The following CAMK2B variants were observed in gnomAD, a reference collection of about 807,000 sequenced individuals.
CAMK2B encodes calcium/calmodulin-dependent protein kinase type II subunit beta.
A neutral mutation model predicts 93.7 loss-of-function variants in CAMK2B; 27 were observed. The ratio of observed to expected loss-of-function variants is 0.29; its 90% CI spans 0.21 to 0.40. CAMK2B has a LOEUF of 0.40. CAMK2B is among the 10% of genes least tolerant of loss of function. CAMK2B has a pLI of 1.00. For synonymous variants in CAMK2B, 374 were observed against 358.8 expected (o/e 1.04, Z -0.48); for missense variants, 568 against 895.8 (o/e 0.63, Z 4.67).
chr7:44,232,488 G>A (rs1210693588), intron 16 of CAMK2B, among the ~76,000 whole-genome samples: 1 of 152,166 alleles, frequency 6.6e-6, no homozygotes, highest in Non-Finnish European at 1.5e-5. Flanking sequence ...GAGGGCCAAG[G>A]ATGCAGCTCC....
intron 4 of CAMK2B, 62 bp from the exon 5 acceptor site, chr7:44,254,669 C>T: frequency 1.8e-6 from 2 of 1,095,874 alleles, no homozygotes; most frequent in African/African-American, 1.6e-5. Context: ...GCACTGTCAC[C>T]TCCATTACTA....
intron 15 of CAMK2B, 147 bp from the exon 16 acceptor site, chr7:44,233,013 C>A: frequency 1.4e-6 from 1 of 725,736 alleles, no homozygotes; most frequent in Non-Finnish European, 2.4e-6. Flanking sequence ...GAGTGGGGGA[C>A]AGGGATGGAG....
At chr7:44,247,249 G>T in intron 5 of CAMK2B, 57 bp from the exon 6 acceptor site, 1 of 1,433,330 alleles carries the variant, frequency 7.0e-7, no homozygotes, top group Non-Finnish European at 9.8e-7. Context: ...GCAAGAGGAG[G>T]CACTGGGGGC....
intron 1 of CAMK2B, among the ~76,000 whole-genome samples, chr7:44,288,244 C>T (rs1001474215): frequency 6.6e-6 from 1 of 152,248 alleles, no homozygotes; most frequent in African/African-American, 2.4e-5. Context: ...CACAGAGGCT[C>T]GAAGCCCGGT....
At chr7:44,234,311 C>A in intron 15 of CAMK2B, 79 bp downstream of exon 15, 2 of 1,314,360 alleles carry the variant, frequency 1.5e-6, no homozygotes, top group Non-Finnish European at 2.1e-6. Context: ...CACCTTCACC[C>A]GGCCCCCTCT....
In CAMK2B at chr7:44,310,037, A is replaced by C. The variant is rs189456962; in HGVS notation, c.65+15320T>G. Among the ~76,000 whole-genome samples, 914 of 152,332 alleles carry C rather than the reference A, an allele frequency of 6.0e-3. 12 individuals are homozygous for C. Among genetic ancestry groups the C allele is most frequent in the African/African-American group, 0.02 (820 of 41,576 alleles). On this transcript the variant is annotated intron_variant, in intron 1 of 23. Transcript: ENST00000395749. ...CACCGCCAGGGACCCCAGGCTCACC[A>C]AGCCACGCGCGGAACCGCACGGTGG... is the stretch of plus-strand genomic sequence containing the variant.
chr7:44,317,991 G>A (rs564995773), intron 1 of CAMK2B, among the ~76,000 whole-genome samples: 6 of 152,150 alleles, frequency 3.9e-5, no homozygotes, highest in Admixed American at 6.5e-5. Context: ...GGCTAAATGC[G>A]ATGGGGCCTG....
At chr7:44,302,379 G>A (rs1446232629) in intron 1 of CAMK2B, among the ~76,000 whole-genome samples, 1 of 152,126 alleles carries the variant, frequency 6.6e-6, no homozygotes, top group Non-Finnish European at 1.5e-5. Context: ...GAAGCAGCAA[G>A]AATACTTCCT....
At chr7:44,234,952 G>C (rs938528950) in intron 13 of CAMK2B, among the ~76,000 whole-genome samples, 4 of 152,218 alleles carry the variant, frequency 2.6e-5, no homozygotes, top group Non-Finnish European at 5.9e-5. Context: ...CGTGGGTGCT[G>C]GGGAGCCCCC....
intron 21 of CAMK2B, 53 bp downstream of exon 21, chr7:44,220,773 A>G: frequency 6.4e-7 from 1 of 1,551,088 alleles, no homozygotes; most frequent in Non-Finnish European, 8.8e-7. Flanking sequence ...AGGCCCCCCC[A>G]AGGGTCCCAC....
intron 2 of CAMK2B, among the ~76,000 whole-genome samples, chr7:44,276,138 G>A (rs1326238787): frequency 6.6e-6 from 1 of 151,918 alleles, no homozygotes; most frequent in East Asian, 1.9e-4. Context: ...GGCAGGGGGA[G>A]GGGAGAAGAG....
chr7:44,233,767 G>C (rs1474114308), intron 15 of CAMK2B, among the ~76,000 whole-genome samples: 1 of 152,140 alleles, frequency 6.6e-6, no homozygotes, highest in Non-Finnish European at 1.5e-5. Context: ...CCCCTCCCCG[G>C]CAGGGAGCCC....
At chr7:44,222,695 C>T (rs1040699410) in intron 20 of CAMK2B, among the ~76,000 whole-genome samples, 3 of 152,160 alleles carry the variant, frequency 2.0e-5, no homozygotes, top group Non-Finnish European at 2.9e-5. Context: ...CTGCCCACCT[C>T]GGCCTCCCAA....
rs1456439828 is a variant in CAMK2B, at chr7:44,311,806, G to A, written c.65+13551C>T. On this transcript the variant is annotated intron_variant, in intron 1 of 23. Coordinates refer to ENST00000395749, the MANE Select transcript of CAMK2B (RefSeq NM_001220.5). This position sits in a 1 kb window ranked among gnomAD's most constrained non-coding sequence, Gnocchi z 4.2. ...TGCAGACAGGACAAGGGGAAGGGGT[G>A]TGTGACTGACTCTGCCCTACCCCCA... Among the ~76,000 whole-genome samples, 1 of 152,212 alleles carries A rather than the reference G, an allele frequency of 6.6e-6. No homozygotes were observed. The highest frequency in any genetic ancestry group is 2.4e-5 in the African/African-American group (1 of 41,460).
chr7:44,292,661 G>A (rs535727263), intron 1 of CAMK2B, among the ~76,000 whole-genome samples: 9 of 152,296 alleles, frequency 5.9e-5, no homozygotes, highest in Non-Finnish European at 1.0e-4. Context: ...TCCAAGAAGG[G>A]AGTATGAGGT....
chr7:44,289,404 C>T (rs976709073), intron 1 of CAMK2B, among the ~76,000 whole-genome samples: 3 of 152,358 alleles, frequency 2.0e-5, no homozygotes, highest in Admixed American at 2.0e-4. Context: ...GACCACACAA[C>T]AGCCCCTCTA....
At chr7:44,272,962 A>C (rs73317744) in intron 2 of CAMK2B, among the ~76,000 whole-genome samples, 4,898 of 152,278 alleles carry the variant, frequency 0.032, 257 homozygotes, top group African/African-American at 0.11. Flanking sequence ...GCTATGGTTT[A>C]AGGCCTAAAG....
At chr7:44,226,248 G>A (rs1008405173) in intron 20 of CAMK2B, among the ~76,000 whole-genome samples, 2 of 152,098 alleles carry the variant, frequency 1.3e-5, no homozygotes, top group Admixed American at 1.3e-4. Flanking sequence ...CCTCAGGGTT[G>A]CGAATGCTGG....
intron 13 of CAMK2B, among the ~76,000 whole-genome samples, chr7:44,238,571 G>A (rs2096647026): frequency 6.6e-6 from 1 of 152,170 alleles, no homozygotes; most frequent in African/African-American, 2.4e-5. Context: ...CCCCGAGGAC[G>A]CCCTGGGCCT....
Sources: allele counts gnomAD v4.1 joint callset (sites outside exome capture counted in the v4.1 genomes callset), GRCh38; gene constraint gnomAD v4.1.1; non-coding constraint Gnocchi (gnomAD v3.1); transcripts MANE v1.5; gene names NCBI Gene and HGNC (gene_info 2026-07-23, HGNC 2026-07-21).